Variants in AUH observed in about 807,000 individuals in gnomAD.
AUH encodes the protein methylglutaconyl-CoA hydratase, mitochondrial.
AUH carries 29 observed loss-of-function variants against 42.3 expected under a neutral mutation model. The observed-to-expected ratio is 0.69, with a 90% CI of 0.51 to 0.93. The LOEUF (loss-of-function observed/expected upper bound fraction) is 0.93. AUH is among the 40% of genes least tolerant of loss of function. The pLI is 0.00. For synonymous variants in AUH, 174 were observed against 166.4 expected (o/e 1.05, Z -0.35); for missense variants, 452 against 438.1 (o/e 1.03, Z -0.28).
At chr9:91,220,194 C>T (rs1369380579) in intron 7 of AUH, among the ~76,000 whole-genome samples, 1 of 152,214 alleles carries the variant, frequency 6.6e-6, no homozygotes, top group East Asian at 1.9e-4. Flanking sequence ...TGATATCACT[C>T]CTGAGTCAGC....
At chr9:91,308,475 A>G (rs2131736135) in intron 4 of AUH, among the ~76,000 whole-genome samples, 1 of 152,372 alleles carries the variant, frequency 6.6e-6, no homozygotes, top group South Asian at 2.1e-4. Context: ...TCTTGATGAG[A>G]GGATAAAGAA....
chr9:91,352,111 A>G (rs369947322), intron 3 of AUH, among the ~76,000 whole-genome samples: 1 of 152,058 alleles, frequency 6.6e-6, no homozygotes, highest in South Asian at 2.1e-4. Flanking sequence ...CCCCATCTCT[A>G]CTAAAATTAC....
intron 6 of AUH, among the ~76,000 whole-genome samples, chr9:91,294,059 T>C (rs191727619): frequency 6.6e-6 from 1 of 152,320 alleles, no homozygotes; most frequent in East Asian, 1.9e-4. Context: ...GTTTACTGAA[T>C]ACTAAAGCCC....
In AUH at chr9:91,249,514, G is replaced by GT. The variant is rs1236692813; in HGVS notation, c.656-28523dup. 9.3e-4 allele frequency among the ~76,000 whole-genome samples: 140 copies of GT among 150,666 alleles called. 2 individuals carry two copies. The highest frequency in any genetic ancestry group is 3.1e-3 in the African/African-American group (126 of 41,114). ...TTACACAAAAGTTGTTTGTTCGGTA[G>GT]TTTTTTTTTGGTAACACCGACATAA... On this transcript the variant is annotated intron_variant, in intron 6 of 9. Transcript: ENST00000375731.
intron 3 of AUH, among the ~76,000 whole-genome samples, chr9:91,344,617 A>C (rs1361108520): frequency 1.3e-5 from 2 of 152,260 alleles, no homozygotes; most frequent in African/African-American, 4.8e-5. Context: ...GAAACTTCCT[A>C]GACCAAATGA....
chr9:91,310,378 A>G (rs1828608965), intron 4 of AUH, among the ~76,000 whole-genome samples: 1 of 152,224 alleles, frequency 6.6e-6, no homozygotes, highest in Admixed American at 6.5e-5. Context: ...TATGGCTAAC[A>G]TGTTTACACC....
intron 4 of AUH, among the ~76,000 whole-genome samples, chr9:91,320,100 A>C (rs1314551486): frequency 6.6e-6 from 1 of 152,192 alleles, no homozygotes; most frequent in Non-Finnish European, 1.5e-5. Context: ...TAACAGTACC[A>C]CTTTAATCAA....
intron 6 of AUH, among the ~76,000 whole-genome samples, chr9:91,289,633 G>C (rs956422840): frequency 2.0e-5 from 3 of 152,186 alleles, no homozygotes; most frequent in Admixed American, 6.5e-5. Context: ...CCCAAAAGGA[G>C]GATATCTCAG....
At chr9:91,226,067 G>A (rs958152314) in intron 6 of AUH, among the ~76,000 whole-genome samples, 2 of 147,792 alleles carry the variant, frequency 1.4e-5, no homozygotes, top group African/African-American at 5.0e-5. Context: ...TATATACCCA[G>A]TAATGGGATG....
At chr9:91,295,192 C>A (rs906142062) in intron 6 of AUH, among the ~76,000 whole-genome samples, 1 of 152,118 alleles carries the variant, frequency 6.6e-6, no homozygotes, top group Non-Finnish European at 1.5e-5. Flanking sequence ...TGTGAGGACT[C>A]CCCAGCCATG....
chr9:91,327,204 G>A (rs1830018748), intron 3 of AUH, among the ~76,000 whole-genome samples: 1 of 152,158 alleles, frequency 6.6e-6, no homozygotes. Context: ...TACCATGAAT[G>A]AACTAACTCA....
At chr9:91,355,480 T>A (rs924962770) in intron 3 of AUH, among the ~76,000 whole-genome samples, 3 of 150,812 alleles carry the variant, frequency 2.0e-5, no homozygotes, top group African/African-American at 7.3e-5. Flanking sequence ...TCACTTGAAC[T>A]GGGGAGACGA....
chr9:91,217,626 C>G (rs561040345), intron 7 of AUH, among the ~76,000 whole-genome samples: 1 of 152,058 alleles, frequency 6.6e-6, no homozygotes, highest in Non-Finnish European at 1.5e-5. Flanking sequence ...GCAACACTTC[C>G]TAGAAGTTAA....
chr9:91,310,067 G>A (rs1302477706), intron 4 of AUH, among the ~76,000 whole-genome samples: 1 of 152,084 alleles, frequency 6.6e-6, no homozygotes, highest in Non-Finnish European at 1.5e-5. Flanking sequence ...TCTGCACTTG[G>A]ATGTCCACTA....
intron 3 of AUH, among the ~76,000 whole-genome samples, chr9:91,340,546 C>T (rs1441244971): frequency 6.6e-6 from 1 of 152,178 alleles, no homozygotes; most frequent in African/African-American, 2.4e-5. Context: ...GAACCATAAA[C>T]CTCAAGATCA....
At chr9:91,291,648 T>TA (rs1826900270) in intron 6 of AUH, among the ~76,000 whole-genome samples, 1 of 152,170 alleles carries the variant, frequency 6.6e-6, no homozygotes, top group Non-Finnish European at 1.5e-5. Context: ...TGGGGAGTCT[T>TA]ACACATTCAT....
At chr9:91,242,346 ATCTT>A (rs1828566077) in intron 6 of AUH, among the ~76,000 whole-genome samples, 1 of 152,218 alleles carries the variant, frequency 6.6e-6, no homozygotes, top group South Asian at 2.1e-4. Context: ...TCTTCCACTC[ATCTT>A]TCTTTTACCA....
intron 3 of AUH, among the ~76,000 whole-genome samples, chr9:91,343,514 C>A (rs1351018719): frequency 6.6e-6 from 1 of 152,182 alleles, no homozygotes; most frequent in African/African-American, 2.4e-5. Flanking sequence ...CACCTATAAT[C>A]CCAACACTTT....
At chr9:91,262,343 C>T (rs1829748234) in intron 6 of AUH, among the ~76,000 whole-genome samples, 1 of 152,148 alleles carries the variant, frequency 6.6e-6, no homozygotes, top group African/African-American at 2.4e-5. Context: ...CATTCCTAAT[C>T]ATGAAGAGGT....
Sources: allele counts gnomAD v4.1 joint callset (sites outside exome capture counted in the v4.1 genomes callset), GRCh38; gene constraint gnomAD v4.1.1; transcripts MANE v1.5; gene names NCBI Gene and HGNC (gene_info 2026-07-23, HGNC 2026-07-21).